ZDHHC21: variants seen among roughly 807,000 people sequenced by gnomAD.
ZDHHC21 encodes zDHHC palmitoyltransferase 21.
A neutral mutation model predicts 34.6 loss-of-function variants in ZDHHC21; 15 were observed. The ratio of observed to expected loss-of-function variants is 0.43; its 90% CI spans 0.29 to 0.67. The LOEUF is 0.67. ZDHHC21 is among the 30% of genes least tolerant of loss of function. The pLI is 0.14. For synonymous variants in ZDHHC21, 142 were observed against 101.8 expected, an observed-to-expected ratio of 1.40 and a Z score of -2.38; for missense variants, 344 against 327.7, an observed-to-expected ratio of 1.05 and a Z score of -0.38.
intron 7 of ZDHHC21, among the ~76,000 whole-genome samples, chr9:14,652,944 G>A: frequency 6.6e-6 from 1 of 151,916 alleles, no homozygotes; most frequent in East Asian, 1.9e-4. Flanking sequence ...ATACTATGCT[G>A]CCACCTATCT....
chr9:14,597,747 G>A, the ZDHHC21 span, among the ~76,000 whole-genome samples: 26 of 152,156 alleles, frequency 1.7e-4, no homozygotes, highest in Non-Finnish European at 2.6e-4. Flanking sequence ...GCCACCACTG[G>A]CAGCCACACA....
At chr9:14,635,721 A>G (rs1013885320) in intron 8 of ZDHHC21, among the ~76,000 whole-genome samples, 1 of 152,212 alleles carries the variant, frequency 6.6e-6, no homozygotes, top group Non-Finnish European at 1.5e-5. Context: ...AGCTACCATC[A>G]TAAAAACACA....
chr9:14,626,621 C>A (rs890771572), intron 8 of ZDHHC21, among the ~76,000 whole-genome samples: 1 of 151,802 alleles, frequency 6.6e-6, no homozygotes. Context: ...ATTCCACACA[C>A]CATAATTATC....
At chr9:14,658,346 T>G (rs1486778191) in intron 7 of ZDHHC21, among the ~76,000 whole-genome samples, 2 of 142,974 alleles carry the variant, frequency 1.4e-5, no homozygotes, top group African/African-American at 6.1e-5. Context: ...GGGAGTTTGC[T>G]TTTGTTGTTT....
intron 5 of ZDHHC21, 30 bp downstream of exon 5, chr9:14,672,800 A>G (rs771963828): frequency 6.8e-7 from 1 of 1,480,964 alleles, no homozygotes; most frequent in South Asian, 1.2e-5. Context: ...TTCTGGCATC[A>G]GCAAAACTGA....
chr9:14,681,774 T>A (rs1339452260), intron 2 of ZDHHC21, among the ~76,000 whole-genome samples: 2 of 148,824 alleles, frequency 1.3e-5, no homozygotes, highest in African/African-American at 2.5e-5. Flanking sequence ...GGTGGGGTAG[T>A]GACACTTAAG....
intron 7 of ZDHHC21, among the ~76,000 whole-genome samples, chr9:14,643,105 G>T (rs547284792): frequency 6.6e-6 from 1 of 152,090 alleles, no homozygotes; most frequent in Non-Finnish European, 1.5e-5. Flanking sequence ...AAAATAGCAG[G>T]GTACGGTGGT....
chr9:14,646,385 T>C (rs1247100760), intron 7 of ZDHHC21, among the ~76,000 whole-genome samples: 3 of 152,158 alleles, frequency 2.0e-5, no homozygotes, highest in African/African-American at 4.8e-5. Context: ...AAATACAGAA[T>C]ATAAAAATAC....
At chr9:14,684,065 G>C (rs10961664) in intron 2 of ZDHHC21, among the ~76,000 whole-genome samples, 3 of 151,654 alleles carry the variant, frequency 2.0e-5, no homozygotes, top group African/African-American at 7.3e-5. Flanking sequence ...AATAATCAGA[G>C]CTATTTATGA....
chr9:14,652,230 T>G (rs1831361782), intron 7 of ZDHHC21, among the ~76,000 whole-genome samples: 1 of 151,984 alleles, frequency 6.6e-6, no homozygotes, highest in Non-Finnish European at 1.5e-5. Flanking sequence ...TTGGGGATTT[T>G]TTAAGTTACT....
chr9:14,663,076 A>C (rs1376464147), intron 5 of ZDHHC21, among the ~76,000 whole-genome samples: 1 of 152,218 alleles, frequency 6.6e-6, no homozygotes, highest in Non-Finnish European at 1.5e-5. Context: ...TGCCAAAAAC[A>C]CAAAGTTTGC....
intron 5 of ZDHHC21, among the ~76,000 whole-genome samples, chr9:14,663,636 T>C (rs1028968551): frequency 6.6e-6 from 1 of 152,022 alleles, no homozygotes; most frequent in Non-Finnish European, 1.5e-5. Flanking sequence ...TTTTATATAG[T>C]AAAGCGTTGG....
At chr9:14,627,126 T>C (rs1316620746) in intron 8 of ZDHHC21, among the ~76,000 whole-genome samples, 1 of 152,090 alleles carries the variant, frequency 6.6e-6, no homozygotes, top group Admixed American at 6.6e-5. Context: ...CTAGGCAAAA[T>C]TTAACTATAG....
intron 5 of ZDHHC21, among the ~76,000 whole-genome samples, chr9:14,664,323 C>A (rs905764984): frequency 6.6e-6 from 1 of 152,092 alleles, no homozygotes; most frequent in Non-Finnish European, 1.5e-5. Flanking sequence ...CGGCGCACCA[C>A]GAGACTATAT....
chr9:14,645,560 C>CA (rs1830150793), intron 7 of ZDHHC21, among the ~76,000 whole-genome samples: 1 of 151,654 alleles, frequency 6.6e-6, no homozygotes, highest in East Asian at 1.9e-4. Context: ...AAACTGAACC[C>CA]AAAAAACACT....
At chr9:14,671,489 G>T (rs1417765601) in intron 5 of ZDHHC21, among the ~76,000 whole-genome samples, 1 of 152,090 alleles carries the variant, frequency 6.6e-6, no homozygotes, top group African/African-American at 2.4e-5. Flanking sequence ...AAAAAGCAAT[G>T]TAAGAGGGAG....
intron 3 of ZDHHC21, among the ~76,000 whole-genome samples, chr9:14,675,698 GA>G (rs1402049823): frequency 6.6e-6 from 1 of 151,894 alleles, no homozygotes; most frequent in Non-Finnish European, 1.5e-5. Context: ...AGTCTAATGG[GA>G]AAAAGAATCA....
rs910699877 is a variant in ZDHHC21, at chr9:14,616,787, T to G, written c.*2179A>C. 1 of 151,844 alleles carries G rather than the reference T, an allele frequency of 6.6e-6. No individual in the cohort carries two copies. The highest frequency in any genetic ancestry group is 1.5e-5 in the Non-Finnish European group (1 of 67,858). 9.4% of individuals were successfully genotyped at this position (151,844 alleles called of 1,614,324 possible). On this transcript the variant is annotated 3_prime_UTR_variant, in exon 10 of 10. Transcript: ENST00000380916. Reference sequence around the variant, plus strand: ...CATTTCTGCATTCAAATAAAATAAGTGTATGCTTTTCTAGTATATTAGTTT... The same window carrying G: ...CATTTCTGCATTCAAATAAAATAAGGGTATGCTTTTCTAGTATATTAGTTT...
At chr9:14,679,613 T>C (rs2131590887) in intron 3 of ZDHHC21, among the ~76,000 whole-genome samples, 1 of 152,296 alleles carries the variant, frequency 6.6e-6, no homozygotes, top group East Asian at 1.9e-4. Flanking sequence ...AACAACCATG[T>C]ACTTCTAAAT....
Sources: gnomAD v4.1 joint callset for allele counts (sites outside exome capture counted in the v4.1 genomes callset) on GRCh38, gnomAD v4.1.1 for gene constraint, MANE v1.5 for transcripts, NCBI Gene and HGNC (gene_info 2026-07-23, HGNC 2026-07-21) for gene names.